ADGRL2: variants seen among roughly 807,000 people sequenced by gnomAD.
ADGRL2 encodes calcium-independent alpha-latrotoxin receptor 2.
In ADGRL2, 44 loss-of-function variants were observed where a neutral mutation model predicts 157.4. That is an observed-to-expected ratio of 0.28 (90% CI 0.22 to 0.36). The LOEUF is 0.36. ADGRL2 is among the 10% of genes least tolerant of loss of function. The pLI, the probability that ADGRL2 is intolerant of heterozygous loss-of-function variation, is 1.00. For missense variants in ADGRL2, 1,510 were observed against 1,768.9 expected, an observed-to-expected ratio of 0.85 and a Z score of 2.63; for synonymous variants, 585 against 624.7, an observed-to-expected ratio of 0.94 and a Z score of 0.95.
At chr1:81,723,687 T>C (rs187369524) in intron 1 of ADGRL2, among the ~76,000 whole-genome samples, 1 of 152,208 alleles carries the variant, frequency 6.6e-6, no homozygotes, top group South Asian at 2.1e-4. Context: ...TCAATAAAAC[T>C]AACTGGGACC....
intron 2 of ADGRL2, among the ~76,000 whole-genome samples, chr1:81,885,042 A>G (rs956379193): frequency 2.6e-5 from 4 of 152,178 alleles, no homozygotes; most frequent in African/African-American, 9.7e-5. Context: ...AGCAAGGGAA[A>G]CAGTGTATGG....
chr1:81,448,137 C>CTTTTTT (rs1168945231), intron 2 of ADGRL2, among the ~76,000 whole-genome samples: 90 of 83,516 alleles, frequency 1.1e-3, no homozygotes, highest in Non-Finnish European at 1.2e-3. Flanking sequence ...TTCTTTCTTT[C>CTTTTTT]TTTTTTTTTT....
chr1:81,520,660 C>A (rs893295260), intron 2 of ADGRL2, among the ~76,000 whole-genome samples: 1 of 152,154 alleles, frequency 6.6e-6, no homozygotes, highest in Non-Finnish European at 1.5e-5. Context: ...GTTAGAAGTA[C>A]CTGCTTCCCC....
chr1:81,677,103 G>C (rs1172448683), intron 3 of ADGRL2, among the ~76,000 whole-genome samples: 1 of 149,946 alleles, frequency 6.7e-6, no homozygotes, highest in Non-Finnish European at 1.5e-5. Context: ...CTCCTGCCTC[G>C]GCCTCCCAAG....
At chr1:81,861,025 T>C (rs2150769838) in intron 2 of ADGRL2, among the ~76,000 whole-genome samples, 1 of 150,450 alleles carries the variant, frequency 6.6e-6, no homozygotes, top group Admixed American at 6.6e-5. Flanking sequence ...TTTTTTTTTT[T>C]TTTTTTTTGA....
intron 3 of ADGRL2, among the ~76,000 whole-genome samples, chr1:81,649,419 A>C (rs563605346): frequency 6.6e-6 from 1 of 152,256 alleles, no homozygotes; most frequent in South Asian, 2.1e-4. Context: ...TCTTATCCCA[A>C]GGGAAATCTT....
intron 2 of ADGRL2, among the ~76,000 whole-genome samples, chr1:81,457,522 C>T (rs1156884414): frequency 2.0e-5 from 3 of 151,938 alleles, no homozygotes; most frequent in East Asian, 1.9e-4. Context: ...TAAAGCAATA[C>T]TATTAAACAG....
intron 4 of ADGRL2, among the ~76,000 whole-genome samples, chr1:81,940,430 A>G (rs886650302): frequency 3.3e-5 from 5 of 151,592 alleles, no homozygotes; most frequent in Admixed American, 2.6e-4. Flanking sequence ...TGTTTTCAAG[A>G]CAGTAATGTT....
chr1:81,712,326 A>C (rs1297657738), intron 1 of ADGRL2, among the ~76,000 whole-genome samples: 1 of 152,200 alleles, frequency 6.6e-6, no homozygotes, highest in East Asian at 1.9e-4. Flanking sequence ...TTGGGCTCTG[A>C]GTCCCAATAG....
rs199758386 is a variant in ADGRL2, at chr1:81,956,058, T to C, written c.2015T>C (p.Ile672Thr). Residue 672 changes from isoleucine (I) to threonine (T), a missense_variant and splice_region_variant, in exon 11 of 24, where the codon ATT (isoleucine) becomes ACT (threonine). This residue lies in a region of ADGRL2 where 325 missense variants were observed against 333.2 expected (regional missense o/e 0.98). Coordinates refer to ENST00000686636, the MANE Select transcript of ADGRL2 (RefSeq NM_001366006.2). ...PTRVSMPTEN[I>T]VLEVAVLSTE... ...AGGGTCTCAATGCCCACAGAAAATA[T>C]TGGTAAGTGAATCTACTGTCAAGTT... 5.7e-5 allele frequency: 90 copies of C among 1,586,240 alleles called. No homozygotes were observed. In the African/African-American group the frequency reaches 6.4e-4, roughly 11 times the overall value.
intron 1 of ADGRL2, among the ~76,000 whole-genome samples, chr1:81,802,061 G>A (rs547280678): frequency 1.7e-3 from 255 of 150,430 alleles, no homozygotes; most frequent in Non-Finnish European, 2.8e-3. Flanking sequence ...GCGGCGCCGT[G>A]TCCGGCCGGG....
intron 1 of ADGRL2, among the ~76,000 whole-genome samples, chr1:81,324,406 AG>A (rs1365949454): frequency 6.6e-6 from 1 of 151,360 alleles, no homozygotes; most frequent in East Asian, 2.0e-4. Context: ...CTATTCGGAA[AG>A]CTGAGGCAGG....
chr1:81,574,861 A>G (rs2148512062), intron 2 of ADGRL2, among the ~76,000 whole-genome samples: 1 of 152,346 alleles, frequency 6.6e-6, no homozygotes, highest in Admixed American at 6.5e-5. Flanking sequence ...GAAAACAAAA[A>G]TCTTAATGAG....
At chr1:81,480,425 C>A (rs545268694) in intron 2 of ADGRL2, among the ~76,000 whole-genome samples, 178 of 152,192 alleles carry the variant, frequency 1.2e-3, no homozygotes, top group African/African-American at 3.8e-3. Context: ...CTTAGTTGGT[C>A]AGTTAAGAAC....
chr1:81,658,166 G>C (rs1176069261), intron 3 of ADGRL2, among the ~76,000 whole-genome samples: 1 of 152,160 alleles, frequency 6.6e-6, no homozygotes, highest in Non-Finnish European at 1.5e-5. Flanking sequence ...TGCAGTCTTG[G>C]CTCACTGCAA....
chr1:81,568,764 C>T lies in ADGRL2; in HGVS notation c.-247-12112C>T, dbSNP rs998856616. ...AAAAAAATGATAAGTATGGTTTAGGCTTTAGCAAATTAAACCAAAAACTGA... is the reference window on the plus strand; with the variant it reads ...AAAAAAATGATAAGTATGGTTTAGGTTTTAGCAAATTAAACCAAAAACTGA... On this transcript the variant is annotated intron_variant, in intron 2 of 24. Coordinates refer to the ADGRL2 transcript ENST00000370721. 2.0e-5 allele frequency among the ~76,000 whole-genome samples: 3 copies of T among 152,038 alleles called. No homozygotes were observed. In the South Asian group the frequency reaches 6.2e-4, roughly 32 times the overall value.
At chr1:81,931,990 T>C (rs905384239) in intron 3 of ADGRL2, among the ~76,000 whole-genome samples, 5 of 152,146 alleles carry the variant, frequency 3.3e-5, no homozygotes, top group Non-Finnish European at 7.3e-5. Context: ...CTCTGAGTTC[T>C]CTCTAAAAAC....
At chr1:81,465,065 T>C (rs1332262890) in intron 2 of ADGRL2, among the ~76,000 whole-genome samples, 3 of 152,190 alleles carry the variant, frequency 2.0e-5, no homozygotes, top group East Asian at 1.9e-4. Flanking sequence ...AGTGATACTG[T>C]GTTGTCGGTG....
intron 2 of ADGRL2, among the ~76,000 whole-genome samples, chr1:81,526,411 A>G (rs996120787): frequency 6.6e-6 from 1 of 152,204 alleles, no homozygotes; most frequent in Non-Finnish European, 1.5e-5. Flanking sequence ...TATCAAATTC[A>G]TGTCAATATT....
Sources: allele counts gnomAD v4.1 joint callset (sites outside exome capture counted in the v4.1 genomes callset), GRCh38; gene constraint gnomAD v4.1.1; regional missense constraint gnomAD v4.1.1; transcripts MANE v1.5; gene names NCBI Gene and HGNC (gene_info 2026-07-23, HGNC 2026-07-21).